SPG11: variants seen among roughly 807,000 people sequenced by gnomAD.
SPG11 encodes spatacsin.
In SPG11, 222 loss-of-function variants were observed where a neutral mutation model predicts 274.0. The ratio of observed to expected loss-of-function variants is 0.81; its 90% CI spans 0.73 to 0.91. The LOEUF is 0.91. Ranked by LOEUF, SPG11 falls within the 40% of genes least tolerant of loss-of-function variation. SPG11 has a pLI of 0.00. For missense variants in SPG11, 3,114 were observed against 2,872.7 expected (o/e 1.08, Z -1.92); for synonymous variants, 1,144 against 1,039.7 (o/e 1.10, Z -1.93).
intron 28 of SPG11, among the ~76,000 whole-genome samples, chr15:44,587,716 A>AC (rs2082802123): frequency 6.6e-6 from 1 of 151,128 alleles, no homozygotes; most frequent in African/African-American, 2.4e-5. Context: ...AAAAAAAAAA[A>AC]AAAACGTATT....
chr15:44,588,041 GCAA>G (rs2082812209), intron 28 of SPG11, among the ~76,000 whole-genome samples: 1 of 152,120 alleles, frequency 6.6e-6, no homozygotes, highest in African/African-American at 2.4e-5. Context: ...TCCACAGCCT[GCAA>G]CAACTGGCTC....
At chr15:44,602,923 TTAAA>T (rs1338762724) in intron 20 of SPG11, among the ~76,000 whole-genome samples, 2 of 152,214 alleles carry the variant, frequency 1.3e-5, no homozygotes, top group Admixed American at 6.6e-5. Flanking sequence ...TGTAAAGTCT[TTAAA>T]TAACTGCAAA....
intron 30 of SPG11, among the ~76,000 whole-genome samples, chr15:44,575,895 C>T (rs2082525481): frequency 6.6e-6 from 1 of 152,088 alleles, no homozygotes; most frequent in Non-Finnish European, 1.5e-5. Flanking sequence ...ATAATCCCAG[C>T]ACTTTGGGAG....
At chr15:44,605,730 C>T (rs550403893) in intron 20 of SPG11, among the ~76,000 whole-genome samples, 1 of 152,214 alleles carries the variant, frequency 6.6e-6, no homozygotes, top group Non-Finnish European at 1.5e-5. Context: ...GACACCTATG[C>T]TTTTAATTTT....
chr15:44,660,613 A>G lies in SPG11; in HGVS notation c.261T>C (p.Phe87=). 1 of 1,614,004 alleles carries G rather than the reference A, an allele frequency of 6.2e-7. No individual in the cohort carries two copies. Among genetic ancestry groups the G allele is most frequent in the Non-Finnish European group, 8.5e-7 (1 of 1,179,968 alleles). Residue 87 remains phenylalanine (F), a synonymous_variant, in exon 2 of 40, where the codon TTT becomes TTC. Coordinates refer to ENST00000261866, the MANE Select transcript of SPG11 (RefSeq NM_025137.4). ...TGCTGTTACGAGAATCCTCCCATAGAAAGCTAAGAAAAAAAGTTTAGATTT... is the reference window on the plus strand; with the variant it reads ...TGCTGTTACGAGAATCCTCCCATAGGAAGCTAAGAAAAAAAGTTTAGATTT... The part of the protein sequence containing the change: ...RCCLEGPFWH[F]LWEDSRNSST...
At chr15:44,596,563 G>A (rs2083044395) in intron 24 of SPG11, among the ~76,000 whole-genome samples, 1 of 144,060 alleles carries the variant, frequency 6.9e-6, no homozygotes, top group Non-Finnish European at 1.5e-5. Context: ...CAGCTCTTCA[G>A]TACTAGTGCC....
intron 3 of SPG11, 73 bp from the exon 4 acceptor site, chr15:44,657,369 G>C: frequency 1.4e-6 from 2 of 1,415,362 alleles, no homozygotes; most frequent in Non-Finnish European, 2.0e-6. Flanking sequence ...GGTTGGGAAA[G>C]AGCTATAGAC....
chr15:44,650,908 A>G (rs1358045575), intron 6 of SPG11, among the ~76,000 whole-genome samples: 2 of 151,926 alleles, frequency 1.3e-5, no homozygotes. Flanking sequence ...CCACCACGCA[A>G]GGCTAATTTT....
intron 10 of SPG11, 89 bp downstream of exon 10, chr15:44,628,578 GTA>G: frequency 8.3e-7 from 1 of 1,198,048 alleles, no homozygotes; most frequent in Non-Finnish European, 1.2e-6. Flanking sequence ...TGAATCACAA[GTA>G]TATAGAGTCT....
chr15:44,571,138 A>G (rs2082414907), intron 33 of SPG11, among the ~76,000 whole-genome samples: 1 of 151,996 alleles, frequency 6.6e-6, no homozygotes, highest in Non-Finnish European at 1.5e-5. Flanking sequence ...GCACAATGAA[A>G]AGGCAAACTG....
chr15:44,574,996 T>G lies in SPG11; in HGVS notation c.5912A>C (p.Asn1971Thr). The stretch of plus-strand genomic sequence containing the variant: ...CACTTCCAGGTTAGTTACCACTTCA[T>G]TACTGGAGGGCACTGTCACAAACTT... Reference protein sequence around the residue: ...SQKFVTVPSSNEVVTNLEVLT... With the variant: ...SQKFVTVPSSTEVVTNLEVLT... The change falls in exon 31 of 40, where the codon AAT (asparagine) becomes ACT (threonine). Residue 1971 changes from asparagine to threonine, a missense_variant. Transcript: ENST00000261866. 1 of 1,614,098 alleles carries G rather than the reference T, an allele frequency of 6.2e-7. No homozygotes were observed. Among genetic ancestry groups the G allele is most frequent in the Non-Finnish European group, 8.5e-7 (1 of 1,180,024 alleles).
At chr15:44,636,053 G>C (rs1253645225) in intron 7 of SPG11, among the ~76,000 whole-genome samples, 7 of 152,094 alleles carry the variant, frequency 4.6e-5, no homozygotes, top group Non-Finnish European at 8.8e-5. Context: ...TATTGGGAGG[G>C]GCCTGACAAT....
At position 44,621,658 on chromosome 15, in the gene SPG11, G is replaced by A. The variant is rs749982645; in HGVS notation, c.2620+101C>T. 4.1e-5 allele frequency: 48 copies of A among 1,162,642 alleles called. No individual in the cohort carries two copies. The Admixed American group carries it at 4.2e-4, about 10-fold the overall frequency. 72.0% of individuals were successfully genotyped at this position (1,162,642 alleles called of 1,614,324 possible). ...TTAAAGAACCTGAATATTATTTCCC[G>A]AAAGGAATTCTAAAATTGAGACACA... On this transcript the variant is annotated intron_variant, in intron 14 of 39. Transcript: ENST00000261866.
chr15:44,570,391 A>T, intron 34 of SPG11, 134 bp downstream of exon 34: 3 of 1,123,948 alleles, frequency 2.7e-6, no homozygotes, highest in Non-Finnish European at 3.8e-6. Context: ...TGCCCAGCCA[A>T]CTCTCAAGTA....
chr15:44,598,910 A>C, intron 21 of SPG11, 74 bp from the exon 22 acceptor site: 3 of 1,433,458 alleles, frequency 2.1e-6, no homozygotes, highest in South Asian at 1.2e-5. Flanking sequence ...AATGGAATTA[A>C]ATCAGTGACA....
intron 33 of SPG11, among the ~76,000 whole-genome samples, chr15:44,570,873 TCAAAGA>T (rs2082409785): frequency 6.6e-6 from 1 of 152,122 alleles, no homozygotes; most frequent in African/African-American, 2.4e-5. Context: ...GGCACAATCC[TCAAAGA>T]CAATCATGTA....
intron 13 of SPG11, 91 bp from the exon 14 acceptor site, chr15:44,622,025 G>A: frequency 8.3e-7 from 1 of 1,202,002 alleles, no homozygotes; most frequent in Non-Finnish European, 1.2e-6. Context: ...CACTCTTTTG[G>A]GGAACACATA....
intron 7 of SPG11, among the ~76,000 whole-genome samples, chr15:44,644,181 A>C (rs1237064889): frequency 6.6e-6 from 1 of 151,916 alleles, no homozygotes. Context: ...AAAAAAAAAA[A>C]AATTCTCCAC....
chr15:44,650,844 T>C (rs1042953260), intron 6 of SPG11, among the ~76,000 whole-genome samples: 2 of 151,988 alleles, frequency 1.3e-5, no homozygotes, highest in African/African-American at 4.8e-5. Context: ...GCCTCCCAGG[T>C]TCAAGCAATT....
Sources: allele counts gnomAD v4.1 joint callset (sites outside exome capture counted in the v4.1 genomes callset), GRCh38; gene constraint gnomAD v4.1.1; transcripts MANE v1.5; gene names NCBI Gene and HGNC (gene_info 2026-07-23, HGNC 2026-07-21).